Variants in ARID2 observed in about 807,000 individuals in gnomAD.
ARID2 encodes AT-rich interactive domain-containing protein 2.
ARID2 carries 32 observed loss-of-function variants against 184.6 expected under a neutral mutation model. The observed-to-expected ratio is 0.17, with a 90% CI of 0.13 to 0.23. ARID2 has a LOEUF of 0.23. Among genes scored for constraint, ARID2 ranks in the 10% least tolerant of loss-of-function variants. ARID2 has a pLI of 1.00. For synonymous variants in ARID2, 836 were observed against 772.6 expected, an observed-to-expected ratio of 1.08 and a Z score of -1.36; for missense variants, 1,696 against 2,197.6, an observed-to-expected ratio of 0.77 and a Z score of 4.56.
At chr12:45,835,716 A>C (rs1592107579) in intron 6 of ARID2, among the ~76,000 whole-genome samples, 1 of 152,144 alleles carries the variant, frequency 6.6e-6, no homozygotes, top group African/African-American at 2.4e-5. Context: ...CCTGGCCAAC[A>C]TGGTGAAACC....
intron 3 of ARID2, among the ~76,000 whole-genome samples, chr12:45,763,791 G>A (rs1017021397): frequency 6.6e-6 from 1 of 152,136 alleles, no homozygotes; most frequent in African/African-American, 2.4e-5. Context: ...GTGCCTGGCT[G>A]ATTGTTATTG....
intron 15 of ARID2, among the ~76,000 whole-genome samples, chr12:45,856,330 G>A (rs1943650343): frequency 6.6e-6 from 1 of 151,968 alleles, no homozygotes; most frequent in African/African-American, 2.4e-5. Context: ...GCCTCCCAAA[G>A]TGCTGGGATT....
chr12:45,797,490 T>G (rs529902563), intron 3 of ARID2, among the ~76,000 whole-genome samples: 31 of 152,312 alleles, frequency 2.0e-4, no homozygotes, highest in Non-Finnish European at 7.3e-5. Context: ...TGCCTTGGCC[T>G]CCCAAAGTGC....
rs1404892706 is a variant in ARID2, at chr12:45,902,251, AAGTG to A, written c.5364-2678_5364-2675del. Among the ~76,000 whole-genome samples the A allele has an allele frequency of 6.6e-5, 10 of 152,204 alleles. No individual in the cohort carries two copies. In the South Asian group the frequency reaches 1.2e-3, roughly 19 times the overall value. On this transcript the variant is annotated intron_variant, in intron 20 of 20. Transcript: ENST00000334344. ...GCATGTTTTGTTTTATATCAAAACA[AAGTG>A]AGTGCTTAATTTTTTAAAACCTCAA...
intron 3 of ARID2, among the ~76,000 whole-genome samples, chr12:45,732,385 A>G (rs1592041616): frequency 1.3e-5 from 2 of 152,154 alleles, no homozygotes; most frequent in Admixed American, 6.5e-5. Context: ...TCTATTGGCT[A>G]TCTTAGATTG....
intron 3 of ARID2, among the ~76,000 whole-genome samples, chr12:45,769,223 A>AT (rs1465679625): frequency 6.6e-6 from 1 of 152,248 alleles, no homozygotes; most frequent in Admixed American, 6.5e-5. Flanking sequence ...AAGTGACCAG[A>AT]TTTTGGAATT....
At chr12:45,879,290 C>T (rs1283375001) in intron 16 of ARID2, among the ~76,000 whole-genome samples, 1 of 152,096 alleles carries the variant, frequency 6.6e-6, no homozygotes, top group Non-Finnish European at 1.5e-5. Context: ...CTGGTAAAGT[C>T]GTTTTTCATG....
intron 3 of ARID2, among the ~76,000 whole-genome samples, chr12:45,758,019 C>T (rs1370394613): frequency 6.6e-6 from 1 of 152,144 alleles, no homozygotes; most frequent in East Asian, 1.9e-4. Flanking sequence ...TTTATGAATT[C>T]CCTGTGAAGA....
At chr12:45,739,043 A>G (rs2137975324) in intron 3 of ARID2, among the ~76,000 whole-genome samples, 1 of 151,732 alleles carries the variant, frequency 6.6e-6, no homozygotes, top group East Asian at 1.9e-4. Context: ...ATCTTGGCTC[A>G]CTGCAGCCTC....
Position 45,837,720 on chromosome 12 carries a change from C to T in ARID2, c.1330+13C>T. The T allele has an allele frequency of 1.3e-6, 2 of 1,599,634 alleles. No homozygotes were observed. Among genetic ancestry groups the T allele is most frequent in the Non-Finnish European group, 1.7e-6 (2 of 1,170,504 alleles). ...GAAAAGAGCATAGGTAAGACTGGAC[C>T]AAAAAACACTTATTTTCTTTATTGA... On this transcript the variant is annotated intron_variant, in intron 10 of 20. Transcript: ENST00000334344.
chr12:45,904,873 A>G, intron 20 of ARID2, 61 bp from the exon 21 acceptor site: 1 of 1,571,084 alleles, frequency 6.4e-7, no homozygotes, highest in Non-Finnish European at 8.6e-7. Context: ...TGCAAAATTC[A>G]TGATAAAGAG....
chr12:45,799,473 T>C (rs1430313812), intron 3 of ARID2, among the ~76,000 whole-genome samples: 1 of 152,228 alleles, frequency 6.6e-6, no homozygotes, highest in African/African-American at 2.4e-5. Context: ...TTGAAATTTA[T>C]TTATTTTCAT....
intron 3 of ARID2, among the ~76,000 whole-genome samples, chr12:45,769,969 G>T (rs1470392531): frequency 6.6e-6 from 1 of 152,000 alleles, no homozygotes; most frequent in African/African-American, 2.4e-5. Context: ...AAAAATAAAG[G>T]CAAGGCCGGG....
intron 20 of ARID2, chr12:45,893,922 G>A (rs981173752): frequency 2.5e-6 from 1 of 407,752 alleles, no homozygotes; most frequent in Non-Finnish European, 4.2e-6. Context: ...ACCAAAAGGT[G>A]GTCTCTTAAG....
At chr12:45,778,737 TATA>T (rs1324284685) in intron 3 of ARID2, among the ~76,000 whole-genome samples, 6 of 152,084 alleles carry the variant, frequency 3.9e-5, no homozygotes, top group South Asian at 2.1e-4. Context: ...TCAAAAATCA[TATA>T]ATATTTTATG....
chr12:45,888,797 G>T (rs770045056), intron 16 of ARID2, among the ~76,000 whole-genome samples: 37 of 152,226 alleles, frequency 2.4e-4, no homozygotes, highest in Non-Finnish European at 5.9e-5. Flanking sequence ...ATCAAAGGGG[G>T]ATCCAGTTAC....
intron 3 of ARID2, among the ~76,000 whole-genome samples, chr12:45,771,225 G>T (rs1383018959): frequency 6.6e-6 from 1 of 152,236 alleles, no homozygotes; most frequent in East Asian, 1.9e-4. Context: ...GGGCGTGGTG[G>T]CTCACGCCTG....
chr12:45,797,449 G>C (rs182095335), intron 3 of ARID2, among the ~76,000 whole-genome samples: 1 of 152,216 alleles, frequency 6.6e-6, no homozygotes, highest in African/African-American at 2.4e-5. Context: ...GGCTAGGCTG[G>C]TCTTGAACTC....
rs982840874 is a variant in ARID2 at position 45,731,142 on chromosome 12, G to A, written c.187-75G>A. The A allele has an allele frequency of 6.6e-6, 7 of 1,061,218 alleles. No homozygotes were observed. In the African/African-American group the frequency reaches 1.1e-4, roughly 17 times the overall value. 65.7% of individuals were successfully genotyped at this position (1,061,218 alleles called of 1,614,324 possible). ...GGTATCTACAGATCTCTGTAGAATGGGTATTTATTTCATAGTTAGGTTAAG... is the reference window on the plus strand; with the variant it reads ...GGTATCTACAGATCTCTGTAGAATGAGTATTTATTTCATAGTTAGGTTAAG... On this transcript the variant is annotated intron_variant, in intron 2 of 20. Transcript: ENST00000334344.
Sources: allele counts gnomAD v4.1 joint callset (sites outside exome capture counted in the v4.1 genomes callset), GRCh38; gene constraint gnomAD v4.1.1; transcripts MANE v1.5; gene names NCBI Gene and HGNC (gene_info 2026-07-23, HGNC 2026-07-21).